The following SNX14 variants were observed in gnomAD, a reference collection of about 807,000 sequenced individuals.
SNX14 encodes sorting nexin 14, also known as sorting nexin-14.
Under a neutral mutation model 133.8 loss-of-function variants are expected in SNX14, and 93 were observed. The observed-to-expected ratio is 0.70, with a 90% confidence interval of 0.59 to 0.83. The LOEUF is 0.83. Ranked by LOEUF, SNX14 falls within the 40% of genes least tolerant of loss-of-function variation. SNX14 has a pLI of 0.00. For synonymous variants in SNX14, 368 were observed against 365.6 expected (o/e 1.01, Z -0.07); for missense variants, 945 against 1,094.9 (o/e 0.86, Z 1.93).
At chr6:85,551,175 A>G (rs1787700636) in intron 7 of SNX14, among the ~76,000 whole-genome samples, 1 of 151,886 alleles carries the variant, frequency 6.6e-6, no homozygotes, top group African/African-American at 2.4e-5. Flanking sequence ...GACAAAATGG[A>G]CTCCCCCTAG....
At chr6:85,511,189 AT>A (rs35816515) in intron 26 of SNX14, among the ~76,000 whole-genome samples, 70,037 of 151,958 alleles carry the variant, frequency 0.46, 17,539 homozygotes, top group Middle Eastern at 0.59. Context: ...TGCAAATAGT[AT>A]TTTTTTTAAT....
At chr6:85,533,461 A>G (rs1308941424) in intron 18 of SNX14, 138 bp downstream of exon 18, 3 of 769,130 alleles carry the variant, frequency 3.9e-6, no homozygotes, top group East Asian at 2.6e-5. Context: ...CTTTCTTTCA[A>G]TTTTCTGTTC....
At chr6:85,585,520 T>C (rs1332145958) in intron 1 of SNX14, among the ~76,000 whole-genome samples, 2 of 151,974 alleles carry the variant, frequency 1.3e-5, no homozygotes, top group East Asian at 3.9e-4. Context: ...ATCAACAAAA[T>C]AGACAACAAT....
chr6:85,508,864 A>G (rs1055276208), intron 26 of SNX14, among the ~76,000 whole-genome samples: 4 of 152,180 alleles, frequency 2.6e-5, no homozygotes, highest in Non-Finnish European at 5.9e-5. Flanking sequence ...AGGTACTCAA[A>G]TATTTATCCT....
At chr6:85,574,120 A>C (rs1796548548) in intron 2 of SNX14, 138 bp downstream of exon 2, 137 of 385,194 alleles carry the variant, frequency 3.6e-4, no homozygotes, top group Middle Eastern at 1.6e-3. Flanking sequence ...TAAAAAAAAC[A>C]AAAAAAAAAA....
intron 25 of SNX14, 25 bp downstream of exon 25, chr6:85,514,045 A>C (rs1242280245): frequency 5.0e-6 from 8 of 1,590,258 alleles, no homozygotes; most frequent in Admixed American, 3.7e-5. Context: ...CAAAATATGA[A>C]ACAAACACAT....
intron 6 of SNX14, among the ~76,000 whole-genome samples, chr6:85,559,700 A>G (rs1003985689): frequency 1.3e-5 from 2 of 152,256 alleles, no homozygotes; most frequent in Non-Finnish European, 2.9e-5. Flanking sequence ...TGACGCAGAT[A>G]AGAGCCACAG....
At chr6:85,563,712 G>A (rs1468719553) in intron 6 of SNX14, among the ~76,000 whole-genome samples, 1 of 152,034 alleles carries the variant, frequency 6.6e-6, no homozygotes, top group East Asian at 1.9e-4. Flanking sequence ...ATTTTTTAAA[G>A]TAGATCATAA....
chr6:85,556,064 T>C (rs867140149), intron 7 of SNX14, among the ~76,000 whole-genome samples: 46 of 152,080 alleles, frequency 3.0e-4, no homozygotes, highest in African/African-American at 1.1e-3. Context: ...TATTGGTACA[T>C]TGATTATAAC....
At chr6:85,522,179 G>A (rs1198801710) in intron 21 of SNX14, among the ~76,000 whole-genome samples, 1 of 152,192 alleles carries the variant, frequency 6.6e-6, no homozygotes, top group African/African-American at 2.4e-5. Context: ...AGCATTTCTT[G>A]AAAAGCTGAC....
chr6:85,587,629 C>G (rs967675113), intron 1 of SNX14, among the ~76,000 whole-genome samples: 4 of 152,056 alleles, frequency 2.6e-5, no homozygotes, highest in Non-Finnish European at 5.9e-5. Context: ...ACCACCATGA[C>G]CAACTACTTG....
intron 28 of SNX14, 111 bp from the exon 29 acceptor site, chr6:85,506,116 C>T (rs1770555555): frequency 2.8e-6 from 2 of 716,076 alleles, no homozygotes; most frequent in African/African-American, 1.8e-5. Flanking sequence ...ATATTGTAAA[C>T]CAAAATAAAT....
intron 27 of SNX14, among the ~76,000 whole-genome samples, chr6:85,507,666 T>C (rs1474317509): frequency 6.6e-6 from 1 of 152,184 alleles, no homozygotes; most frequent in Non-Finnish European, 1.5e-5. Flanking sequence ...CTGGTTATTC[T>C]ATGTGACTTG....
In SNX14 at chr6:85,514,617, G is replaced by T; in HGVS notation, c.2281C>A (p.Leu761Met). Reference protein sequence around the residue: ...SENNKKLFNDLFKNNANRAEN... With the variant: ...SENNKKLFNDMFKNNANRAEN... ...GCACGGTTTGCATTATTTTTAAACA[G>T]ATCATTGAAAAGCTAAAATAAAAGT... The change falls in exon 24 of 29, where the codon CTG becomes ATG. Residue 761 changes from leucine (L) to methionine (M), a missense_variant. Physicochemically the swap from Leu to Met is conservative, Grantham distance 15. This residue lies in a region of SNX14 where 412 missense variants were observed against 516.6 expected (regional missense o/e 0.80). Transcript: ENST00000314673. 1 of 1,610,500 alleles carries T rather than the reference G, an allele frequency of 6.2e-7. No homozygotes were observed. The highest frequency in any genetic ancestry group is 8.5e-7 in the Non-Finnish European group (1 of 1,178,060).
At chr6:85,538,072 ATTAAG>A (rs955122649) in intron 16 of SNX14, among the ~76,000 whole-genome samples, 10 of 152,354 alleles carry the variant, frequency 6.6e-5, no homozygotes, top group African/African-American at 2.4e-4. Flanking sequence ...TATGAGAAAA[ATTAAG>A]TTATCTACTG....
chr6:85,575,671 A>G (rs1797092580), intron 1 of SNX14, among the ~76,000 whole-genome samples: 1 of 152,242 alleles, frequency 6.6e-6, no homozygotes. Flanking sequence ...AATGATGACA[A>G]TGCTGCTGTT....
rs916522017 is a variant in SNX14, at chr6:85,505,855, T to C, written c.*112A>G. The C allele has an allele frequency of 1.4e-6, 1 of 700,966 alleles. No homozygotes were observed. The highest frequency in any genetic ancestry group is 2.4e-6 in the Non-Finnish European group (1 of 408,524). The allele number at this position is 700,966 out of a possible 1,614,324, so 43.4% of individuals were successfully genotyped here. A position where few individuals can be genotyped will look rare whatever the true frequency, so the allele number is the denominator to read the frequency against. On this transcript the variant is annotated 3_prime_UTR_variant, in exon 29 of 29. Coordinates refer to ENST00000314673, the MANE Select transcript of SNX14 (RefSeq NM_153816.6). ...TATTAAAAACAAAAAATAACTAAAA[T>C]TTCAGACAGCGATGTACATAATATA...
chr6:85,591,220 C>G (rs1802646010), intron 1 of SNX14, among the ~76,000 whole-genome samples: 1 of 150,428 alleles, frequency 6.6e-6, no homozygotes, highest in Non-Finnish European at 1.5e-5. Flanking sequence ...CTCTTATCAT[C>G]TGTGTGTGTG....
intron 23 of SNX14, 141 bp downstream of exon 23, chr6:85,517,615 C>T (rs1262991765): frequency 1.3e-5 from 13 of 963,238 alleles, no homozygotes; most frequent in Non-Finnish European, 1.5e-5. Flanking sequence ...CCTCTGTATA[C>T]CGTTCAACTG....
Sources: allele counts gnomAD v4.1 joint callset (sites outside exome capture counted in the v4.1 genomes callset), GRCh38; gene constraint gnomAD v4.1.1; regional missense constraint gnomAD v4.1.1; transcripts MANE v1.5; gene names NCBI Gene and HGNC (gene_info 2026-07-23, HGNC 2026-07-21).